TENM3: variants seen among roughly 807,000 people sequenced by gnomAD.
The protein encoded by TENM3 is teneurin-3.
TENM3 carries 63 observed loss-of-function variants against 255.1 expected under a neutral mutation model. That is an observed-to-expected ratio of 0.25 (90% CI 0.20 to 0.30). TENM3 has a LOEUF of 0.30. Ranked by LOEUF, TENM3 falls within the 10% of genes least tolerant of loss-of-function variation. The pLI, the probability that TENM3 is intolerant of heterozygous loss-of-function variation, is 1.00. For synonymous variants in TENM3, 1,306 were observed against 1,322.3 expected (o/e 0.99, Z 0.27); for missense variants, 2,929 against 3,461.1 (o/e 0.85, Z 3.86).
chr4:182,570,684 A>G (rs1006276282), intron 3 of TENM3, among the ~76,000 whole-genome samples: 5 of 152,138 alleles, frequency 3.3e-5, no homozygotes, highest in African/African-American at 9.7e-5. Context: ...AATACAAAAA[A>G]TTAGCCAGGC....
At chr4:181,976,960 C>G in the TENM3 span, among the ~76,000 whole-genome samples, 2 of 152,224 alleles carry the variant, frequency 1.3e-5, no homozygotes, top group South Asian at 2.1e-4. Flanking sequence ...AGAACAGGCC[C>G]TGTGCTATGT....
the TENM3 span, among the ~76,000 whole-genome samples, chr4:181,595,598 T>C: frequency 6.6e-6 from 1 of 152,062 alleles, no homozygotes; most frequent in African/African-American, 2.4e-5. Flanking sequence ...CCAAAAATGG[T>C]GTTTTAAGAA....
the TENM3 span, among the ~76,000 whole-genome samples, chr4:181,521,808 C>T: frequency 6.6e-6 from 1 of 151,970 alleles, no homozygotes; most frequent in African/African-American, 2.4e-5. Flanking sequence ...CTTAAGAAGC[C>T]AATGTGGGCC....
At chr4:182,283,009 G>A (rs533827866) in intron 1 of TENM3, among the ~76,000 whole-genome samples, 13 of 151,288 alleles carry the variant, frequency 8.6e-5, no homozygotes, top group Middle Eastern at 3.4e-3. Context: ...AATTACTTCC[G>A]CTTTAACAGT....
the TENM3 span, among the ~76,000 whole-genome samples, chr4:181,719,308 G>A: frequency 3.9e-5 from 6 of 152,122 alleles, no homozygotes; most frequent in African/African-American, 1.2e-4. Context: ...AAATCTGCAT[G>A]CCCAAACCAA....
chr4:181,876,449 G>A, the TENM3 span, among the ~76,000 whole-genome samples: 3 of 152,110 alleles, frequency 2.0e-5, no homozygotes, highest in Admixed American at 6.6e-5. Context: ...TGAGAGAGTG[G>A]CAGCTTGGGT....
chr4:182,793,536 T>C lies in TENM3; in HGVS notation c.6864T>C (p.Ser2288=), dbSNP rs757255933. The change falls in exon 26 of 28, where the codon AGT becomes AGC. Residue 2288 remains serine (S), a synonymous_variant. Transcript: ENST00000511685. This position sits in a 1 kb window ranked among gnomAD's most constrained non-coding sequence, Gnocchi z 5.7. Reference sequence around the variant, plus strand: ...ATCTTTTTGCCATGGAAATCAGCAGTGGGGATGAATTCTATATTGCATCGG... The same window carrying C: ...ATCTTTTTGCCATGGAAATCAGCAGCGGGGATGAATTCTATATTGCATCGG... ...QGHLFAMEIS[S]GDEFYIASDN... 2.5e-6 allele frequency: 4 copies of C among 1,613,958 alleles called. No individual in the cohort carries two copies. In the South Asian group the frequency reaches 3.3e-5, roughly 13 times the overall value.
chr4:181,741,634 T>C, the TENM3 span, among the ~76,000 whole-genome samples: 7 of 152,314 alleles, frequency 4.6e-5, no homozygotes, highest in South Asian at 1.4e-3. Context: ...TACTAACTTT[T>C]TTCTTTGTAC....
the TENM3 span, among the ~76,000 whole-genome samples, chr4:181,457,888 A>C: frequency 6.6e-6 from 1 of 151,944 alleles, no homozygotes; most frequent in Admixed American, 6.6e-5. Context: ...TTTGTGACTC[A>C]CTATGTGAAA....
the TENM3 span, among the ~76,000 whole-genome samples, chr4:181,496,026 T>TCAGA: frequency 8.0e-4 from 121 of 151,444 alleles, no homozygotes; most frequent in African/African-American, 2.5e-3. Context: ...CAGCAAAGTA[T>TCAGA]CAGACACCTG....
intron 3 of TENM3, among the ~76,000 whole-genome samples, chr4:182,524,080 C>G (rs1011405758): frequency 1.3e-5 from 2 of 152,168 alleles, no homozygotes; most frequent in Non-Finnish European, 1.5e-5. Context: ...TTATTCGTCA[C>G]TTTCCTGTAA....
chr4:182,699,440 T>G (rs1757679910), intron 12 of TENM3, among the ~76,000 whole-genome samples: 1 of 152,232 alleles, frequency 6.6e-6, no homozygotes, highest in Non-Finnish European at 1.5e-5. Flanking sequence ...GTTTGCTAAC[T>G]AGTTCTTTTA....
chr4:182,080,761 G>T, the TENM3 span, among the ~76,000 whole-genome samples: 1 of 152,190 alleles, frequency 6.6e-6, no homozygotes, highest in South Asian at 2.1e-4. Flanking sequence ...GGAGGCAAAG[G>T]CAGGAGGATC....
chr4:181,971,613 T>C, the TENM3 span, among the ~76,000 whole-genome samples: 1 of 151,906 alleles, frequency 6.6e-6, no homozygotes, highest in South Asian at 2.1e-4. Flanking sequence ...GTCTCCCAGG[T>C]TGGAGTGCAG....
At chr4:181,456,832 T>C in the TENM3 span, among the ~76,000 whole-genome samples, 1 of 151,436 alleles carries the variant, frequency 6.6e-6, no homozygotes, top group African/African-American at 2.4e-5. Context: ...CATTTATAAT[T>C]GCAAGTCTAC....
the TENM3 span, among the ~76,000 whole-genome samples, chr4:182,071,449 CT>C: frequency 1.5e-3 from 213 of 139,386 alleles, no homozygotes; most frequent in Middle Eastern, 3.7e-3. Flanking sequence ...TTTTTCTTTT[CT>C]TTTTTTTTTT....
the TENM3 span, among the ~76,000 whole-genome samples, chr4:182,050,953 C>T: frequency 0.019 from 2,830 of 152,230 alleles, 86 homozygotes; most frequent in African/African-American, 0.063. Context: ...GAATGCAAAG[C>T]GCCCACATTC....
intron 1 of TENM3, among the ~76,000 whole-genome samples, chr4:182,198,870 G>A (rs2149817121): frequency 6.6e-6 from 1 of 152,270 alleles, no homozygotes; most frequent in Non-Finnish European, 1.5e-5. Context: ...AATGAGGAAG[G>A]AGCTAGATGG....
At chr4:182,653,557 A>G (rs1753508104) in intron 5 of TENM3, among the ~76,000 whole-genome samples, 1 of 152,228 alleles carries the variant, frequency 6.6e-6, no homozygotes, top group African/African-American at 2.4e-5. Flanking sequence ...TTAAATCACT[A>G]TTGAAGTGCC....
Sources: allele counts gnomAD v4.1 joint callset (sites outside exome capture counted in the v4.1 genomes callset), GRCh38; gene constraint gnomAD v4.1.1; non-coding constraint Gnocchi (gnomAD v3.1); transcripts MANE v1.5; gene names NCBI Gene and HGNC (gene_info 2026-07-23, HGNC 2026-07-21).